The following DENND1A variants were observed in gnomAD, a reference collection of about 807,000 sequenced individuals.
The protein encoded by DENND1A is DENN domain containing 1A.
Under a neutral mutation model 113.7 loss-of-function variants are expected in DENND1A, and 51 were observed. The ratio of observed to expected loss-of-function variants is 0.45; its 90% CI spans 0.36 to 0.57. DENND1A has a LOEUF of 0.57. Ranked by LOEUF, DENND1A falls within the 20% of genes least tolerant of loss-of-function variation. DENND1A has a pLI of 0.00. For synonymous variants in DENND1A, 565 were observed against 570.8 expected (o/e 0.99, Z 0.14); for missense variants, 1,258 against 1,395.9 (o/e 0.90, Z 1.57).
At chr9:123,628,101 C>T (rs1038671869) in intron 10 of DENND1A, among the ~76,000 whole-genome samples, 14 of 151,998 alleles carry the variant, frequency 9.2e-5, no homozygotes, top group Non-Finnish European at 1.3e-4. Context: ...TAGCCCCGTC[C>T]TATCCTTGTG....
intron 5 of DENND1A, among the ~76,000 whole-genome samples, chr9:123,730,546 C>G (rs7466910): frequency 0.076 from 11,563 of 152,102 alleles, 893 homozygotes; most frequent in African/African-American, 0.2. Context: ...CAAATCAAAA[C>G]GACAATGAGA....
intron 2 of DENND1A, among the ~76,000 whole-genome samples, chr9:123,820,897 A>G (rs1838357859): frequency 6.6e-6 from 1 of 152,234 alleles, no homozygotes; most frequent in South Asian, 2.1e-4. Context: ...CATAATTAAG[A>G]CTAGCCTGCA....
At chr9:123,901,653 T>C (rs564303472) in intron 1 of DENND1A, among the ~76,000 whole-genome samples, 3 of 152,298 alleles carry the variant, frequency 2.0e-5, no homozygotes, top group South Asian at 2.1e-4. Flanking sequence ...AGAGTCCTCA[T>C]CATGTGGTTG....
chr9:123,686,369 C>T (rs1004959299), intron 5 of DENND1A, among the ~76,000 whole-genome samples: 1 of 152,176 alleles, frequency 6.6e-6, no homozygotes, highest in Non-Finnish European at 1.5e-5. Flanking sequence ...GTAGTATGAT[C>T]ACGTACAATG....
At chr9:123,440,829 C>T (rs2132361652) in intron 18 of DENND1A, among the ~76,000 whole-genome samples, 1 of 152,316 alleles carries the variant, frequency 6.6e-6, no homozygotes, top group East Asian at 1.9e-4. Flanking sequence ...CTTGCAATCA[C>T]AGCTCATGCA....
intron 12 of DENND1A, among the ~76,000 whole-genome samples, chr9:123,573,943 GTTC>G (rs2136421973): frequency 6.6e-6 from 1 of 150,754 alleles, no homozygotes; most frequent in Admixed American, 6.6e-5. Context: ...TTTTCTAGGA[GTTC>G]TTATCATGAA....
chr9:123,849,222 A>G (rs1007824005), intron 2 of DENND1A, among the ~76,000 whole-genome samples: 2 of 152,214 alleles, frequency 1.3e-5, no homozygotes, highest in African/African-American at 4.8e-5. Context: ...GACAGGATGA[A>G]TCTTTTGTTA....
At chr9:123,804,565 T>G (rs1009483626) in intron 2 of DENND1A, among the ~76,000 whole-genome samples, 2 of 152,186 alleles carry the variant, frequency 1.3e-5, no homozygotes, top group African/African-American at 4.8e-5. Flanking sequence ...CACTATCAAT[T>G]TTAAATTTAT....
At chr9:123,666,359 A>G (rs574578690) in intron 8 of DENND1A, among the ~76,000 whole-genome samples, 1 of 152,288 alleles carries the variant, frequency 6.6e-6, no homozygotes, top group African/African-American at 2.4e-5. Flanking sequence ...GCTTGTTCAG[A>G]AGGCAAACAT....
At chr9:123,399,989 C>T (rs1042240324) in intron 21 of DENND1A, 4 of 152,296 alleles carry the variant, frequency 2.6e-5, no homozygotes, top group African/African-American at 9.6e-5. Context: ...TGACTGGTGT[C>T]TGACCCACAG....
intron 3 of DENND1A, among the ~76,000 whole-genome samples, chr9:123,771,194 T>C (rs73667921): frequency 0.016 from 2,423 of 152,306 alleles, 72 homozygotes; most frequent in African/African-American, 0.056. Context: ...AAACTAATCA[T>C]GCTTAGATAA....
Position 123,463,308 on chromosome 9 carries a change from C to A in DENND1A, c.994-5411G>T, listed in dbSNP as rs2048683452. Among the ~76,000 whole-genome samples the A allele has an allele frequency of 2.0e-5, 3 of 152,274 alleles. No individual in the cohort carries two copies. The South Asian group carries it at 6.2e-4, about 32-fold the overall frequency. On this transcript the variant is annotated intron_variant, in intron 13 of 23. Coordinates refer to ENST00000394215, the MANE Select transcript of DENND1A (RefSeq NM_001352964.2). ...GGATTATCTTCTTGACATATGGAAT[C>A]CATCGGAAACACTATCATTAATAAG...
intron 13 of DENND1A, among the ~76,000 whole-genome samples, chr9:123,521,697 C>A (rs2054408395): frequency 6.6e-6 from 1 of 152,078 alleles, no homozygotes. Flanking sequence ...AAGTGTGGCC[C>A]AATGAAAAGA....
intron 5 of DENND1A, among the ~76,000 whole-genome samples, chr9:123,743,064 G>A (rs951804970): frequency 6.6e-6 from 1 of 152,154 alleles, no homozygotes; most frequent in Non-Finnish European, 1.5e-5. Context: ...CTTGGACTGA[G>A]TACCAAAGAT....
At chr9:123,922,226 G>A (rs964138800) in intron 1 of DENND1A, among the ~76,000 whole-genome samples, 5 of 152,128 alleles carry the variant, frequency 3.3e-5, no homozygotes, top group South Asian at 2.1e-4. Flanking sequence ...GAGCCACCAC[G>A]CCCGGCCTGT....
At chr9:123,700,784 C>T (rs934610094) in intron 5 of DENND1A, among the ~76,000 whole-genome samples, 1 of 152,192 alleles carries the variant, frequency 6.6e-6, no homozygotes, top group Non-Finnish European at 1.5e-5. Flanking sequence ...GACAAGCTGA[C>T]ACACAAGATT....
intron 21 of DENND1A, among the ~76,000 whole-genome samples, chr9:123,402,099 C>G (rs2043517974): frequency 6.6e-6 from 1 of 152,252 alleles, no homozygotes; most frequent in Non-Finnish European, 1.5e-5. Context: ...GCAGCGTTCT[C>G]TCCATAAGGG....
chr9:123,845,918 GA>G (rs1291748833), intron 2 of DENND1A, among the ~76,000 whole-genome samples: 2 of 151,998 alleles, frequency 1.3e-5, no homozygotes, highest in East Asian at 1.9e-4. Context: ...ACACAATCAA[GA>G]AAGAGAAAAG....
In DENND1A at chr9:123,382,070, G is replaced by A. The variant is rs762739882; in HGVS notation, c.2575C>T (p.Leu859Phe). The A allele has an allele frequency of 3.3e-6, 5 of 1,513,670 alleles. No individual in the cohort carries two copies. The highest frequency in any genetic ancestry group is 1.8e-4 in the Middle Eastern group (1 of 5,510). The allele number at this position is 1,513,670 out of a possible 1,614,324, so 93.8% of individuals were successfully genotyped here. The change falls in exon 24 of 24, where the codon CTC becomes TTC. Residue 859 changes from leucine (L) to phenylalanine (F), a missense_variant. Leu to Phe is a conservative substitution (Grantham distance 22, BLOSUM62 0). Transcript: ENST00000394215. ...PLSTAWSGST[L>F]PSRPATPNVA... ...TTCGGGGTGGCGGGGCGTGACGGGA[G>A]GGTGCTGCCTGACCAGGCTGTGCTG... is the stretch of plus-strand genomic sequence containing the variant.
Sources: allele counts gnomAD v4.1 joint callset (sites outside exome capture counted in the v4.1 genomes callset), GRCh38; gene constraint gnomAD v4.1.1; transcripts MANE v1.5; gene names NCBI Gene and HGNC (gene_info 2026-07-23, HGNC 2026-07-21).